TENT4B: variants seen among roughly 807,000 people sequenced by gnomAD.
TENT4B encodes the protein terminal nucleotidyltransferase 4B.
Under a neutral mutation model 75.0 loss-of-function variants are expected in TENT4B, and 10 were observed. The observed-to-expected ratio is 0.13, with a 90% CI of 0.08 to 0.23. The LOEUF is 0.23. Among genes scored for constraint, TENT4B ranks in the 10% least tolerant of loss-of-function variants. TENT4B has a pLI of 1.00. For missense variants in TENT4B, 579 were observed against 893.8 expected (o/e 0.65, Z 4.49); for synonymous variants, 350 against 357.7 (o/e 0.98, Z 0.24).
chr16:50,165,493 ATAT>A, intron 1 of TENT4B, among the ~76,000 whole-genome samples: 1 of 79,514 alleles, frequency 1.3e-5, no homozygotes, highest in South Asian at 5.2e-4. Context: ...AGTGGTTTTC[ATAT>A]ATTAGAAGGT....
Position 50,222,422 on chromosome 16 carries a change from C to A in TENT4B, c.1155C>A (p.Val385=). The change falls in exon 6 of 12, where the codon GTC becomes GTA. Residue 385 remains valine, a synonymous_variant. Transcript: ENST00000561678. The part of the protein sequence containing the change: ...IGSYSLFLMA[V]SFLQLHPRED... The stretch of plus-strand genomic sequence containing the variant: ...CTTATAGTCTCTTTTTAATGGCAGT[C>A]AGTTTCCTTCAGGTAAGTCATATGG... The A allele has an allele frequency of 6.2e-7, 1 of 1,613,336 alleles. No homozygotes were observed.
intron 1 of TENT4B, among the ~76,000 whole-genome samples, chr16:50,169,221 C>T (rs2038159239): frequency 6.6e-6 from 1 of 151,918 alleles, no homozygotes. Context: ...TCTCTTTTCC[C>T]CCATATTTAT....
intron 1 of TENT4B, 21 bp downstream of exon 1, chr16:50,154,280 C>T (rs1049584335): frequency 7.2e-7 from 1 of 1,396,416 alleles, no homozygotes; most frequent in Non-Finnish European, 9.2e-7. Flanking sequence ...GCTCTGCGGC[C>T]CGATGGCCTG....
At position 50,232,923 on chromosome 16, in the gene TENT4B, A is replaced by G. The variant is rs1228978653; in HGVS notation, c.*3595A>G. 46 of 985,290 alleles carry G rather than the reference A, an allele frequency of 4.7e-5. No homozygotes were observed. Among genetic ancestry groups the G allele is most frequent in the Non-Finnish European group, 5.4e-5 (45 of 829,890 alleles). The allele number at this position is 985,290 out of a possible 1,614,324, so 61.0% of individuals were successfully genotyped here. On this transcript the variant is annotated 3_prime_UTR_variant, in exon 12 of 12. Transcript: ENST00000561678. Reference sequence around the variant, plus strand: ...CTTCACAGTCAAAACTAAATGGTAAACTATCAAAAATACATTCCCAATTTT... The same window carrying G: ...CTTCACAGTCAAAACTAAATGGTAAGCTATCAAAAATACATTCCCAATTTT...
chr16:50,172,248 G>A (rs2038219807), intron 1 of TENT4B, among the ~76,000 whole-genome samples: 1 of 151,746 alleles, frequency 6.6e-6, no homozygotes, highest in South Asian at 2.1e-4. Context: ...CCAGCTGCTT[G>A]CTAAACTGAG....
rs964459034 is a variant in TENT4B, at chr16:50,233,842, G to T, written c.*4514G>T. 29 of 985,284 alleles carry T rather than the reference G, an allele frequency of 2.9e-5. No homozygotes were observed. In the East Asian group the frequency reaches 3.4e-4, roughly 12 times the overall value. 61.0% of individuals were successfully genotyped at this position (985,284 alleles called of 1,614,324 possible). On this transcript the variant is annotated 3_prime_UTR_variant, in exon 12 of 12. Coordinates refer to ENST00000561678, the MANE Select transcript of TENT4B (RefSeq NM_001365324.3). ...TCCCTTTGGTTATTACACATTTGTGGTAGCTCCTGGATTTACTGAGAGATA... is the reference window on the plus strand; with the variant it reads ...TCCCTTTGGTTATTACACATTTGTGTTAGCTCCTGGATTTACTGAGAGATA...
At chr16:50,194,216 C>CTTTTTTTTTTTTTTT (rs5816679) in intron 1 of TENT4B, among the ~76,000 whole-genome samples, 2 of 139,802 alleles carry the variant, frequency 1.4e-5, no homozygotes, top group African/African-American at 2.6e-5. Flanking sequence ...TCTTTTCTTT[C>CTTTTTTTTTTTTTTT]TTTTTTTTTT....
At chr16:50,225,714 CCTCT>C (rs1373156825) in intron 10 of TENT4B, among the ~76,000 whole-genome samples, 1 of 151,376 alleles carries the variant, frequency 6.6e-6, no homozygotes, top group Non-Finnish European at 1.5e-5. Flanking sequence ...ACGGGATCTC[CCTCT>C]GTCACCCAGG....
At chr16:50,168,249 T>A (rs2038140762) in intron 1 of TENT4B, among the ~76,000 whole-genome samples, 1 of 152,104 alleles carries the variant, frequency 6.6e-6, no homozygotes, top group Non-Finnish European at 1.5e-5. Flanking sequence ...CTTTTGGAGT[T>A]GTTTGTCTTT....
At chr16:50,181,624 A>G (rs1222601047) in intron 1 of TENT4B, among the ~76,000 whole-genome samples, 2 of 152,004 alleles carry the variant, frequency 1.3e-5, no homozygotes, top group Admixed American at 6.6e-5. Context: ...TTTAAAAACC[A>G]TAGTTTTTAA....
At chr16:50,227,774 C>A (rs1448030766) in intron 10 of TENT4B, 65 bp from the exon 11 acceptor site, 9 of 1,556,164 alleles carry the variant, frequency 5.8e-6, no homozygotes, top group Non-Finnish European at 7.9e-6. Flanking sequence ...AATTGTTTTT[C>A]TTTCTGAATA....
At chr16:50,204,120 G>C (rs2030815380) in intron 1 of TENT4B, among the ~76,000 whole-genome samples, 1 of 152,170 alleles carries the variant, frequency 6.6e-6, no homozygotes, top group East Asian at 1.9e-4. Flanking sequence ...ACCATAAGGA[G>C]GTTGGAAGTG....
chr16:50,173,716 T>A (rs2038249032), intron 1 of TENT4B, among the ~76,000 whole-genome samples: 1 of 152,174 alleles, frequency 6.6e-6, no homozygotes, highest in Admixed American at 6.5e-5. Context: ...TTCATTGAAA[T>A]GGAATCTCGC....
At chr16:50,168,226 T>C (rs971286377) in intron 1 of TENT4B, among the ~76,000 whole-genome samples, 2 of 152,178 alleles carry the variant, frequency 1.3e-5, no homozygotes, top group Non-Finnish European at 2.9e-5. Context: ...AATTACTGCC[T>C]TTGTTCATTT....
At chr16:50,164,442 G>T (rs2038061501) in intron 1 of TENT4B, among the ~76,000 whole-genome samples, 1 of 151,932 alleles carries the variant, frequency 6.6e-6, no homozygotes, top group South Asian at 2.1e-4. Flanking sequence ...CCGAGTAGCT[G>T]GGATTACAGG....
chr16:50,210,847 C>T (rs1030204395), intron 1 of TENT4B, among the ~76,000 whole-genome samples: 3 of 152,206 alleles, frequency 2.0e-5, no homozygotes, highest in Non-Finnish European at 2.9e-5. Flanking sequence ...CTTTGCCAGC[C>T]ATTCTTTTCA....
At chr16:50,227,179 T>C (rs561698208) in intron 10 of TENT4B, among the ~76,000 whole-genome samples, 4 of 152,328 alleles carry the variant, frequency 2.6e-5, no homozygotes, top group African/African-American at 7.2e-5. Context: ...AGAATCTCCC[T>C]GTGTGCTTTT....
chr16:50,204,732 TC>T (rs1208749603), intron 1 of TENT4B, among the ~76,000 whole-genome samples: 2 of 152,218 alleles, frequency 1.3e-5, no homozygotes, highest in Non-Finnish European at 2.9e-5. Context: ...CAGAGGAAAG[TC>T]CTGCTAGCAG....
At chr16:50,209,917 A>G (rs77757560) in intron 1 of TENT4B, among the ~76,000 whole-genome samples, 1,815 of 152,252 alleles carry the variant, frequency 0.012, 16 homozygotes, top group Admixed American at 0.032. Context: ...TTCCTTCCCT[A>G]AAACAATTTT....
Sources: gnomAD v4.1 joint callset for allele counts (sites outside exome capture counted in the v4.1 genomes callset) on GRCh38, gnomAD v4.1.1 for gene constraint, MANE v1.5 for transcripts, NCBI Gene and HGNC (gene_info 2026-07-23, HGNC 2026-07-21) for gene names.